STAC: variants seen among roughly 807,000 people sequenced by gnomAD.
STAC encodes the protein SH3 and cysteine-rich domain-containing protein.
Under a neutral mutation model 48.8 loss-of-function variants are expected in STAC, and 43 were observed. That is an observed-to-expected ratio of 0.88 (90% CI 0.69 to 1.14). STAC has a LOEUF of 1.14. Among genes scored for constraint, STAC ranks in the 50% most tolerant of loss-of-function variants. The pLI is 0.00. For synonymous variants in STAC, 193 were observed against 179.5 expected, an observed-to-expected ratio of 1.07 and a Z score of -0.60; for missense variants, 497 against 504.0, an observed-to-expected ratio of 0.99 and a Z score of 0.13.
At chr3:36,534,990 A>G (rs770318015) in intron 10 of STAC, among the ~76,000 whole-genome samples, 3 of 152,168 alleles carry the variant, frequency 2.0e-5, no homozygotes, top group Non-Finnish European at 4.4e-5. Flanking sequence ...ATGTATCCTT[A>G]TTAAATCGAC....
intron 6 of STAC, among the ~76,000 whole-genome samples, chr3:36,493,699 G>A (rs1216645845): frequency 6.6e-6 from 1 of 152,058 alleles, no homozygotes; most frequent in Non-Finnish European, 1.5e-5. Flanking sequence ...TCCTTCCCCA[G>A]CAGAGACAAC....
At chr3:36,412,139 CA>C (rs1183008838) in intron 1 of STAC, among the ~76,000 whole-genome samples, 1 of 152,170 alleles carries the variant, frequency 6.6e-6, no homozygotes, top group Non-Finnish European at 1.5e-5. Context: ...TTCAACTACT[CA>C]GCAAAGTCAT....
intron 2 of STAC, among the ~76,000 whole-genome samples, chr3:36,469,600 T>C (rs1162120994): frequency 6.6e-6 from 1 of 152,208 alleles, no homozygotes; most frequent in East Asian, 1.9e-4. Context: ...TTCTTTGAGC[T>C]TCTTGTATTC....
chr3:36,529,035 A>C, intron 10 of STAC, 50 bp downstream of exon 10: 2 of 1,521,232 alleles, frequency 1.3e-6, no homozygotes, highest in Non-Finnish European at 1.8e-6. Flanking sequence ...ATAGGGTGTC[A>C]TTTTAATAAA....
intron 1 of STAC, among the ~76,000 whole-genome samples, chr3:36,411,638 G>C (rs1011476852): frequency 1.3e-5 from 2 of 152,216 alleles, no homozygotes; most frequent in East Asian, 3.8e-4. Context: ...AGGAGAGACT[G>C]TTCTTCCATG....
chr3:36,509,282 G>T (rs1452299541), intron 8 of STAC, among the ~76,000 whole-genome samples: 1 of 151,832 alleles, frequency 6.6e-6, no homozygotes, highest in Admixed American at 6.6e-5. Context: ...CTGTTAGTCT[G>T]ATGTGCTTCC....
chr3:36,450,446 G>C (rs1696644067), intron 2 of STAC, among the ~76,000 whole-genome samples: 1 of 152,132 alleles, frequency 6.6e-6, no homozygotes, highest in Admixed American at 6.5e-5. Context: ...TTTCTCCTTT[G>C]TGTTGCATAT....
At chr3:36,508,091 C>G (rs978441530) in intron 8 of STAC, among the ~76,000 whole-genome samples, 12 of 152,116 alleles carry the variant, frequency 7.9e-5, no homozygotes, top group African/African-American at 2.7e-4. Context: ...ACTGCTTTAA[C>G]TGTGTCACAG....
intron 5 of STAC, among the ~76,000 whole-genome samples, chr3:36,491,883 G>A (rs1169505812): frequency 1.3e-5 from 2 of 149,166 alleles, no homozygotes; most frequent in Admixed American, 6.7e-5. Flanking sequence ...GCATGGTGGT[G>A]CATGCCTGTA....
intron 1 of STAC, among the ~76,000 whole-genome samples, chr3:36,424,451 A>C (rs1700518104): frequency 6.6e-6 from 1 of 152,164 alleles, no homozygotes; most frequent in Non-Finnish European, 1.5e-5. Context: ...ACATACATAT[A>C]GGTGTATGTG....
intron 1 of STAC, among the ~76,000 whole-genome samples, chr3:36,400,992 C>T (rs1212047630): frequency 6.6e-6 from 1 of 152,172 alleles, no homozygotes. Context: ...CATACACCAT[C>T]CCTTCTTCCC....
At chr3:36,536,028 G>T (rs1699190322) in intron 10 of STAC, among the ~76,000 whole-genome samples, 1 of 152,102 alleles carries the variant, frequency 6.6e-6, no homozygotes, top group South Asian at 2.1e-4. Flanking sequence ...GTTTGGAATA[G>T]TTTCAGAAGA....
At chr3:36,382,210 G>T (rs976493003) in intron 1 of STAC, among the ~76,000 whole-genome samples, 1 of 152,220 alleles carries the variant, frequency 6.6e-6, no homozygotes, top group African/African-American at 2.4e-5. Context: ...ATATAGGTTA[G>T]TGGCCATTTT....
intron 8 of STAC, among the ~76,000 whole-genome samples, chr3:36,522,566 C>G (rs1322333890): frequency 2.0e-5 from 3 of 152,146 alleles, no homozygotes. Flanking sequence ...TCAGAAAATA[C>G]TTGAATGTCA....
At chr3:36,525,217 G>A (rs1313049728) in intron 8 of STAC, among the ~76,000 whole-genome samples, 2 of 151,604 alleles carry the variant, frequency 1.3e-5, no homozygotes, top group African/African-American at 4.9e-5. Context: ...TGAATGAGTG[G>A]GTAAACAAAA....
chr3:36,525,030 C>T (rs912402606), intron 8 of STAC, among the ~76,000 whole-genome samples: 7 of 152,108 alleles, frequency 4.6e-5, no homozygotes, highest in Admixed American at 6.5e-5. Context: ...AATAATTATA[C>T]ATATGTGATA....
chr3:36,432,379 C>T (rs534431897), intron 1 of STAC, among the ~76,000 whole-genome samples: 1 of 152,324 alleles, frequency 6.6e-6, no homozygotes, highest in East Asian at 1.9e-4. Flanking sequence ...AAAGGCTCCT[C>T]TATCTCTGCA....
At position 36,380,576 on chromosome 3, in the gene STAC, G is replaced by A. The variant is rs1054036767; in HGVS notation, c.-68G>A. 52 of 1,304,928 alleles carry A rather than the reference G, an allele frequency of 4.0e-5. No individual in the cohort carries two copies. Among genetic ancestry groups the A allele is most frequent in the Non-Finnish European group, 5.4e-5 (50 of 927,488 alleles). 80.8% of individuals were successfully genotyped at this position (1,304,928 alleles called of 1,614,324 possible). ...GAGCTGAGCAGCCTGGCGCGCGGCG[G>A]GCAGGGCGCGCAGGACAGAAGCCTC... On this transcript the variant is annotated 5_prime_UTR_variant, in exon 1 of 11. Transcript: ENST00000273183.
chr3:36,429,551 G>A (rs1700642402), intron 1 of STAC, among the ~76,000 whole-genome samples: 1 of 152,138 alleles, frequency 6.6e-6, no homozygotes, highest in Admixed American at 6.5e-5. Flanking sequence ...CATGGAAGAT[G>A]CTTCCTCCCC....
Sources: gnomAD v4.1 joint callset for allele counts (sites outside exome capture counted in the v4.1 genomes callset) on GRCh38, gnomAD v4.1.1 for gene constraint, MANE v1.5 for transcripts, NCBI Gene and HGNC (gene_info 2026-07-23, HGNC 2026-07-21) for gene names.